Variants in UBAP2L observed in about 807,000 individuals in gnomAD.
UBAP2L encodes the protein ubiquitin-associated protein 2-like.
A neutral mutation model predicts 130.6 loss-of-function variants in UBAP2L; 12 were observed. That is an observed-to-expected ratio of 0.09 (90% CI 0.06 to 0.15). The LOEUF (loss-of-function observed/expected upper bound fraction) is 0.15, where lower values mean the gene tolerates loss of function less well. UBAP2L is among the 10% of genes least tolerant of loss of function. The pLI is 1.00. For missense variants in UBAP2L, 965 were observed against 1,332.5 expected, an observed-to-expected ratio of 0.72 and a Z score of 4.29; for synonymous variants, 503 against 524.7, an observed-to-expected ratio of 0.96 and a Z score of 0.57.
At chr1:154,263,339 C>G (rs564745066) in intron 24 of UBAP2L, 13 of 1,423,804 alleles carry the variant, frequency 9.1e-6, no homozygotes, top group Non-Finnish European at 1.2e-5. Flanking sequence ...CCCTCTCCCC[C>G]ATGTGTCTGA....
At chr1:154,228,481 C>G in intron 3 of UBAP2L, 134 bp from the exon 4 acceptor site, 2 of 627,034 alleles carry the variant, frequency 3.2e-6, no homozygotes, top group Non-Finnish European at 5.5e-6. Context: ...GCCACTGTGC[C>G]CAGCCCTCAT....
intron 4 of UBAP2L, 29 bp downstream of exon 4, chr1:154,228,754 A>G (rs772066775): frequency 2.0e-6 from 3 of 1,534,214 alleles, no homozygotes; most frequent in South Asian, 1.1e-5. Flanking sequence ...GTTCTAGGAC[A>G]TGGGTCCTCA....
intron 25 of UBAP2L, among the ~76,000 whole-genome samples, chr1:154,268,350 C>A (rs899904930): frequency 2.6e-5 from 4 of 151,940 alleles, no homozygotes; most frequent in Non-Finnish European, 5.9e-5. Flanking sequence ...GCCACCATGC[C>A]CGGCTAATTT....
chr1:154,269,120 G>C, intron 26 of UBAP2L, 166 bp downstream of exon 26: 4 of 956,920 alleles, frequency 4.2e-6, no homozygotes, highest in Non-Finnish European at 6.2e-6. Flanking sequence ...CACATAACAC[G>C]AGCGGCCGGC....
chr1:154,253,961 A>G lies in UBAP2L; in HGVS notation c.1726A>G (p.Ile576Val). 1 of 1,614,032 alleles carries G rather than the reference A, an allele frequency of 6.2e-7. No homozygotes were observed. The highest frequency in any genetic ancestry group is 8.5e-7 in the Non-Finnish European group (1 of 1,180,010). The change falls in exon 15 of 27, where the codon ATT becomes GTT. Residue 576 changes from isoleucine to valine, a missense_variant. Transcript: ENST00000428931. ...GGAGTCTGGTTATCAGAGCGGCCCA[A>G]TTCAGTCGACAACCTATACCTCCCA... Reference protein sequence around the residue: ...SQESGYQSGPIQSTTYTSQNN... With the variant: ...SQESGYQSGPVQSTTYTSQNN...
chr1:154,250,509 A>C (rs1448890114), intron 12 of UBAP2L, among the ~76,000 whole-genome samples: 2 of 152,202 alleles, frequency 1.3e-5, no homozygotes, highest in Non-Finnish European at 2.9e-5. Context: ...CAATTTGTGC[A>C]TTCCTGTCTT....
intron 7 of UBAP2L, 106 bp downstream of exon 7, chr1:154,236,717 T>C: frequency 4.0e-6 from 5 of 1,239,444 alleles, no homozygotes; most frequent in Admixed American, 1.8e-5. Flanking sequence ...CAGAAAGATA[T>C]GGGGACTTAG....
intron 20 of UBAP2L, 136 bp downstream of exon 20, chr1:154,257,570 C>T (rs1680053434): frequency 1.2e-6 from 1 of 864,946 alleles, no homozygotes; most frequent in Non-Finnish European, 1.8e-6. Context: ...TCTGTGGAAT[C>T]CATGTATATG....
At position 154,246,103 on chromosome 1, in the gene UBAP2L, C is replaced by A. The variant is rs184184128; in HGVS notation, c.843-101C>A. 1.7e-4 allele frequency: 222 copies of A among 1,313,674 alleles called. No individual in the cohort carries two copies. In the African/African-American group the frequency reaches 2.9e-3, roughly 17 times the overall value. 81.4% of individuals were successfully genotyped at this position (1,313,674 alleles called of 1,614,324 possible). ...TGTGTTTGAACCCTTTTAGAAGAAGCCCCAGCAAGTGGCTTCATTTTGATC... is the reference window on the plus strand; with the variant it reads ...TGTGTTTGAACCCTTTTAGAAGAAGACCCAGCAAGTGGCTTCATTTTGATC... On this transcript the variant is annotated intron_variant, in intron 10 of 26. Coordinates refer to ENST00000428931, the MANE Select transcript of UBAP2L (RefSeq NM_014847.4).
At chr1:154,247,885 C>G (rs896888174) in intron 11 of UBAP2L, among the ~76,000 whole-genome samples, 11 of 151,890 alleles carry the variant, frequency 7.2e-5, no homozygotes, top group African/African-American at 2.7e-4. Context: ...TTTAATAGAG[C>G]TAAATAACAT....
chr1:154,223,458 A>G (rs1234405478), intron 1 of UBAP2L, among the ~76,000 whole-genome samples: 2 of 152,080 alleles, frequency 1.3e-5, no homozygotes, highest in African/African-American at 2.4e-5. Flanking sequence ...TCTCGTCTTT[A>G]TATATATACG....
intron 2 of UBAP2L, 61 bp from the exon 3 acceptor site, chr1:154,227,221 T>A: frequency 6.9e-7 from 1 of 1,455,414 alleles, no homozygotes; most frequent in Non-Finnish European, 9.6e-7. Context: ...ACGAAATAGG[T>A]TCCTGTTCTC....
intron 1 of UBAP2L, among the ~76,000 whole-genome samples, chr1:154,224,233 A>G (rs1667231012): frequency 6.6e-6 from 1 of 152,216 alleles, no homozygotes; most frequent in Non-Finnish European, 1.5e-5. Flanking sequence ...ATGATTTCTT[A>G]GAAGCACTTT....
intron 11 of UBAP2L, among the ~76,000 whole-genome samples, chr1:154,247,224 A>G (rs911245410): frequency 2.6e-5 from 4 of 152,192 alleles, no homozygotes; most frequent in African/African-American, 9.7e-5. Context: ...CTGCCAAGCT[A>G]GCTACTAATT....
intron 17 of UBAP2L, 57 bp downstream of exon 17, chr1:154,255,383 T>C (rs1679297058): frequency 6.3e-7 from 1 of 1,586,720 alleles, no homozygotes; most frequent in African/African-American, 1.3e-5. Context: ...CAGAGCTCTC[T>C]GGTCCTTATT....
rs375270925 is a variant in UBAP2L at position 154,268,048 on chromosome 1, C to A, written c.2971-709C>A. Among the ~76,000 whole-genome samples, 15 of 151,738 alleles carry A rather than the reference C, an allele frequency of 9.9e-5. No individual in the cohort carries two copies. The East Asian group carries it at 2.7e-3, about 27-fold the overall frequency. ...GGGATTACAGGCATGTGCCACCATG[C>A]CCGGGTAATTTTGTGTTTTTAGTAG... On this transcript the variant is annotated intron_variant, in intron 25 of 26. Transcript: ENST00000428931.
intron 12 of UBAP2L, among the ~76,000 whole-genome samples, chr1:154,249,878 A>AG (rs35338859): frequency 0.45 from 66,793 of 149,438 alleles, 15,278 homozygotes; most frequent in South Asian, 0.63. Context: ...AAAAAAAAAA[A>AG]AAAGAAAAAT....
At chr1:154,239,708 C>G (rs1031211216) in intron 8 of UBAP2L, among the ~76,000 whole-genome samples, 2 of 152,170 alleles carry the variant, frequency 1.3e-5, no homozygotes, top group African/African-American at 4.8e-5. Flanking sequence ...ATTCTTGCAT[C>G]AAGAGCCTAG....
At chr1:154,246,957 A>ATTAT (rs1428842095) in intron 11 of UBAP2L, among the ~76,000 whole-genome samples, 1 of 152,234 alleles carries the variant, frequency 6.6e-6, no homozygotes, top group Non-Finnish European at 1.5e-5. Flanking sequence ...CTTAGAACTT[A>ATTAT]TGACATATTA....
Sources: allele counts gnomAD v4.1 joint callset (sites outside exome capture counted in the v4.1 genomes callset), GRCh38; gene constraint gnomAD v4.1.1; transcripts MANE v1.5; gene names NCBI Gene and HGNC (gene_info 2026-07-23, HGNC 2026-07-21).